Variants in TP63 observed in about 807,000 individuals in gnomAD.
The protein encoded by TP63 is tumor protein p63.
A neutral mutation model predicts 82.8 loss-of-function variants in TP63; 17 were observed. The ratio of observed to expected loss-of-function variants is 0.21; its 90% confidence interval spans 0.14 to 0.31. The LOEUF (loss-of-function observed/expected upper bound fraction) is 0.31, where lower values mean the gene tolerates loss of function less well. Ranked by LOEUF, TP63 falls within the 10% of genes least tolerant of loss-of-function variation. The pLI, the probability that TP63 is intolerant of heterozygous loss-of-function variation, is 1.00. For missense variants in TP63, 648 were observed against 895.3 expected, an observed-to-expected ratio of 0.72 and a Z score of 3.52; for synonymous variants, 330 against 321.7, an observed-to-expected ratio of 1.03 and a Z score of -0.28.
chr3:189,761,868 G>A (rs535237673), intron 3 of TP63, among the ~76,000 whole-genome samples: 40 of 152,318 alleles, frequency 2.6e-4, no homozygotes, highest in Non-Finnish European at 4.9e-4. Flanking sequence ...ATCTTATGTG[G>A]ATGGCAGCAG....
Position 189,717,037 on chromosome 3 carries a change from A to G in TP63, c.63-20703A>G, listed in dbSNP as rs371229055. On this transcript the variant is annotated intron_variant, in intron 1 of 13. Coordinates refer to ENST00000264731, the MANE Select transcript of TP63 (RefSeq NM_003722.5). ...GGTCTAGAACTCCCAACCTCAGGTGATCTGCCCGCCTTGGGCTCCCAAAGT... is the reference window on the plus strand; with the variant it reads ...GGTCTAGAACTCCCAACCTCAGGTGGTCTGCCCGCCTTGGGCTCCCAAAGT... Among the ~76,000 whole-genome samples the G allele has an allele frequency of 1.0e-3, 155 of 152,292 alleles. 2 individuals carry two copies. The highest frequency in any genetic ancestry group is 3.6e-3 in the African/African-American group (150 of 41,572).
chr3:189,710,376 C>T (rs1157562244), intron 1 of TP63, among the ~76,000 whole-genome samples: 1 of 152,150 alleles, frequency 6.6e-6, no homozygotes, highest in Non-Finnish European at 1.5e-5. Context: ...CAGGTCACCA[C>T]TCAGTTTCTC....
At chr3:189,695,679 A>G (rs1238093847) in intron 1 of TP63, among the ~76,000 whole-genome samples, 2 of 152,184 alleles carry the variant, frequency 1.3e-5, no homozygotes, top group African/African-American at 2.4e-5. Flanking sequence ...ATTCAACCAC[A>G]TGGATCATTC....
At chr3:189,790,837 A>G (rs1404048373) in intron 3 of TP63, among the ~76,000 whole-genome samples, 2 of 152,116 alleles carry the variant, frequency 1.3e-5, no homozygotes, top group African/African-American at 4.8e-5. Context: ...AACAAAATGC[A>G]TAGTATTCCG....
chr3:189,872,389 A>C (rs967722258), intron 9 of TP63, among the ~76,000 whole-genome samples: 4 of 142,316 alleles, frequency 2.8e-5, no homozygotes, highest in African/African-American at 1.1e-4. Flanking sequence ...ATGCCTGAAT[A>C]AAGTTTCTCT....
At position 189,830,297 on chromosome 3, in the gene TP63, A is replaced by AAAAAC. The variant is rs543177367; in HGVS notation, c.579+21788_579+21792dup. ...AAAAGATTGATAATTTGTGTGTTTG[A>AAAAAC]AAAACAAAACAAAACAAAACACATC... On this transcript the variant is annotated intron_variant, in intron 4 of 13. Transcript: ENST00000264731. Among the ~76,000 whole-genome samples the AAAAAC allele has an allele frequency of 3.3e-4, 51 of 152,330 alleles. 1 individual carries two copies. The highest frequency in any genetic ancestry group is 1.2e-3 in the African/African-American group (49 of 41,574).
At chr3:189,858,322 G>A (rs541150995) in intron 4 of TP63, among the ~76,000 whole-genome samples, 1,803 of 32,732 alleles carry the variant, frequency 0.055, 688 homozygotes, top group Non-Finnish European at 0.089. Context: ...GGAGAATGGC[G>A]TGAACCCCAG....
chr3:189,625,782 G>A, the TP63 span, among the ~76,000 whole-genome samples: 14 of 152,120 alleles, frequency 9.2e-5, no homozygotes, highest in Non-Finnish European at 1.6e-4. Flanking sequence ...AGCAAAGGAG[G>A]GGTGGGAGTG....
At chr3:189,605,347 A>T in the TP63 span, among the ~76,000 whole-genome samples, 1 of 152,208 alleles carries the variant, frequency 6.6e-6, no homozygotes, top group African/African-American at 2.4e-5. Flanking sequence ...ATCTCTGTAT[A>T]AGTCATTGCT....
At chr3:189,880,392 G>T (rs1719783230) in intron 10 of TP63, 4 of 1,181,540 alleles carry the variant, frequency 3.4e-6, no homozygotes, top group Admixed American at 4.3e-5. Context: ...GTTTTCTGCA[G>T]ATTTTGTATC....
chr3:189,701,538 T>C (rs560565152), intron 1 of TP63, among the ~76,000 whole-genome samples: 1 of 147,564 alleles, frequency 6.8e-6, no homozygotes, highest in East Asian at 2.0e-4. Context: ...TATATATATA[T>C]ATATATATGT....
chr3:189,823,183 C>T (rs1318436923), intron 4 of TP63, among the ~76,000 whole-genome samples: 1 of 152,166 alleles, frequency 6.6e-6, no homozygotes, highest in Non-Finnish European at 1.5e-5. Context: ...ACACAGCAAG[C>T]CTTCTGTGCC....
chr3:189,678,212 T>C (rs1715611812), intron 1 of TP63, among the ~76,000 whole-genome samples: 1 of 152,278 alleles, frequency 6.6e-6, no homozygotes, highest in East Asian at 1.9e-4. Context: ...TTCTAGTATT[T>C]CTACAGTTTA....
At chr3:189,704,194 T>A (rs1299840031) in intron 1 of TP63, among the ~76,000 whole-genome samples, 1 of 152,208 alleles carries the variant, frequency 6.6e-6, no homozygotes, top group Non-Finnish European at 1.5e-5. Context: ...TAGGCAATAG[T>A]GTGTGTGTAT....
chr3:189,723,999 C>T (rs1481373406), intron 1 of TP63, among the ~76,000 whole-genome samples: 2 of 141,636 alleles, frequency 1.4e-5, no homozygotes, highest in Non-Finnish European at 3.0e-5. Context: ...TGTTTTTGTG[C>T]CTGGCTTTCA....
chr3:189,605,063 C>T, the TP63 span, among the ~76,000 whole-genome samples: 2 of 152,124 alleles, frequency 1.3e-5, no homozygotes, highest in African/African-American at 4.8e-5. Flanking sequence ...TCTCTTGTGG[C>T]TTGGTTTTCT....
At chr3:189,744,459 C>G (rs1224731200) in intron 3 of TP63, among the ~76,000 whole-genome samples, 21 of 152,128 alleles carry the variant, frequency 1.4e-4, no homozygotes, top group Non-Finnish European at 1.5e-5. Flanking sequence ...TTGGCCCTAC[C>G]CCTCAGTGCC....
intron 1 of TP63, among the ~76,000 whole-genome samples, chr3:189,723,046 G>A (rs1017699849): frequency 2.0e-5 from 3 of 152,174 alleles, no homozygotes; most frequent in Non-Finnish European, 2.9e-5. Context: ...TTGGAGGAAG[G>A]GACAAGGAAC....
rs140734755 is a variant in TP63, at chr3:189,775,454, C to T, written c.325-32818C>T. Among the ~76,000 whole-genome samples the T allele has an allele frequency of 2.6e-3, 392 of 152,198 alleles. 2 individuals are homozygous for T. Among genetic ancestry groups the T allele is most frequent in the African/African-American group, 9.1e-3 (377 of 41,516 alleles). ...TCAGTATAAGATGAAAACCACCTTC[C>T]ACACAGCTACCTAGATCGTAATATG... On this transcript the variant is annotated intron_variant, in intron 3 of 13. Transcript: ENST00000264731.
Sources: gnomAD v4.1 joint callset for allele counts (sites outside exome capture counted in the v4.1 genomes callset) on GRCh38, gnomAD v4.1.1 for gene constraint, MANE v1.5 for transcripts, NCBI Gene and HGNC (gene_info 2026-07-23, HGNC 2026-07-21) for gene names.